The following ADCY2 variants were observed in gnomAD, a reference collection of about 807,000 sequenced individuals.
ADCY2 encodes adenylate cyclase 2.
In ADCY2, 31 loss-of-function variants were observed where a neutral mutation model predicts 125.2. That is an observed-to-expected ratio of 0.25 (90% CI 0.19 to 0.33). ADCY2 has a LOEUF of 0.33. ADCY2 is among the 10% of genes least tolerant of loss of function. The pLI is 1.00. For missense variants in ADCY2, 904 were observed against 1,418.2 expected, an observed-to-expected ratio of 0.64 and a Z score of 5.82; for synonymous variants, 512 against 548.4, an observed-to-expected ratio of 0.93 and a Z score of 0.93.
chr5:7,701,671 T>G (rs1320789916), intron 7 of ADCY2, among the ~76,000 whole-genome samples: 1 of 152,154 alleles, frequency 6.6e-6, no homozygotes, highest in African/African-American at 2.4e-5. Context: ...CCCCAGCTCC[T>G]GGCCATCTCT....
In ADCY2 at chr5:7,450,122, G is replaced by A. The variant is rs150074407; in HGVS notation, c.408+35352G>A. Among the ~76,000 whole-genome samples the A allele has an allele frequency of 2.8e-3, 421 of 152,292 alleles. 1 individual carries two copies. The highest frequency in any genetic ancestry group is 9.7e-3 in the African/African-American group (404 of 41,552). On this transcript the variant is annotated intron_variant, in intron 2 of 24. Transcript: ENST00000338316. Reference sequence around the variant, plus strand: ...CTCTAAGTGTTCAATGCAAGGAAGAGTTGCATGTCTCTCACTTTAAATCAA... The same window carrying A: ...CTCTAAGTGTTCAATGCAAGGAAGAATTGCATGTCTCTCACTTTAAATCAA...
In ADCY2 at chr5:7,662,416, C is replaced by A. The variant is rs929737026; in HGVS notation, c.721-28275C>A. ...CTAGTGCAGATAACAGCTGCTGCCCCCTCCACGGCATAGTGGCCACCAGCA... is the reference window on the plus strand; with the variant it reads ...CTAGTGCAGATAACAGCTGCTGCCCACTCCACGGCATAGTGGCCACCAGCA... On this transcript the variant is annotated intron_variant, in intron 4 of 24. Transcript: ENST00000338316. 3.9e-5 allele frequency among the ~76,000 whole-genome samples: 6 copies of A among 152,194 alleles called. No homozygotes were observed. In the East Asian group the frequency reaches 9.7e-4, roughly 25 times the overall value.
intron 16 of ADCY2, among the ~76,000 whole-genome samples, chr5:7,763,308 G>A (rs1036305865): frequency 2.0e-5 from 3 of 151,662 alleles, no homozygotes; most frequent in Non-Finnish European, 4.4e-5. Context: ...AGCCAAGATG[G>A]TCTCGATCTC....
Position 7,649,645 on chromosome 5 carries a change from C to T in ADCY2, c.720+23329C>T, listed in dbSNP as rs1579276258. ...CTCCAGTCTGTTCTCTGCCATTTAC[C>T]CTTAGGGATCTCACCCATTCTTACT... is the stretch of plus-strand genomic sequence containing the variant. On this transcript the variant is annotated intron_variant, in intron 4 of 24. Coordinates refer to ENST00000338316, the MANE Select transcript of ADCY2 (RefSeq NM_020546.3). Among the ~76,000 whole-genome samples, 3 of 152,306 alleles carry T rather than the reference C, an allele frequency of 2.0e-5. No individual in the cohort carries two copies. The South Asian group carries it at 6.2e-4, about 32-fold the overall frequency.
chr5:7,706,630 G>A (rs2126351704), intron 7 of ADCY2, 114 bp from the exon 8 acceptor site: 1 of 1,268,784 alleles, frequency 7.9e-7, no homozygotes, highest in Non-Finnish European at 1.1e-6. Flanking sequence ...AAGGTTTATG[G>A]TCATTTCCGA....
intron 2 of ADCY2, among the ~76,000 whole-genome samples, chr5:7,504,617 C>CTTT (rs563915228): frequency 2.2e-5 from 3 of 138,038 alleles, no homozygotes; most frequent in Admixed American, 7.3e-5. Flanking sequence ...TTTTTTCTTT[C>CTTT]TTTTTTTTTT....
At chr5:7,403,465 T>C (rs990439673) in intron 1 of ADCY2, among the ~76,000 whole-genome samples, 2 of 152,232 alleles carry the variant, frequency 1.3e-5, no homozygotes, top group Non-Finnish European at 2.9e-5. Flanking sequence ...GTGCATAAAA[T>C]AGAATTACTC....
At chr5:7,558,591 C>G (rs927644612) in intron 3 of ADCY2, among the ~76,000 whole-genome samples, 5 of 152,008 alleles carry the variant, frequency 3.3e-5, no homozygotes, top group Non-Finnish European at 7.4e-5. Context: ...TATTAGACCT[C>G]TGTTGGATGC....
At chr5:7,490,474 A>G (rs1005327874) in intron 2 of ADCY2, among the ~76,000 whole-genome samples, 8 of 152,166 alleles carry the variant, frequency 5.3e-5, no homozygotes, top group African/African-American at 1.7e-4. Flanking sequence ...TTAGCACTAG[A>G]CATTAGGAGC....
At chr5:7,592,778 A>C (rs897038326) in intron 3 of ADCY2, among the ~76,000 whole-genome samples, 7 of 152,200 alleles carry the variant, frequency 4.6e-5, no homozygotes, top group African/African-American at 1.7e-4. Flanking sequence ...ATTTGAACAA[A>C]AACTGGGCTT....
chr5:7,695,994 G>C lies in ADCY2; in HGVS notation c.981+131G>C, dbSNP rs1377048424. ...GGAACATTGTTTGTAGAAGTTGTTGGATTTCTTTGCTATTGATCTTTCATA... is the reference window on the plus strand; with the variant it reads ...GGAACATTGTTTGTAGAAGTTGTTGCATTTCTTTGCTATTGATCTTTCATA... On this transcript the variant is annotated intron_variant, in intron 6 of 24. Transcript: ENST00000338316. The C allele has an allele frequency of 8.5e-6, 5 of 587,136 alleles. No individual in the cohort carries two copies. The East Asian group carries it at 1.4e-4, about 16-fold the overall frequency. 36.4% of individuals were successfully genotyped at this position (587,136 alleles called of 1,614,324 possible). A position where few individuals can be genotyped will look rare whatever the true frequency, so the allele number is the denominator to read the frequency against.
At chr5:7,819,250 A>T (rs1745220196) in intron 23 of ADCY2, among the ~76,000 whole-genome samples, 3 of 152,190 alleles carry the variant, frequency 2.0e-5, no homozygotes, top group Admixed American at 2.0e-4. Context: ...ACCCTCACAG[A>T]CACACCTAGG....
chr5:7,417,441 T>G (rs16878632), intron 2 of ADCY2, among the ~76,000 whole-genome samples: 16,877 of 152,222 alleles, frequency 0.11, 1,123 homozygotes, highest in African/African-American at 0.18. Context: ...TTTACCTTAT[T>G]CTGATGTAGT....
In ADCY2 at chr5:7,662,734, G is replaced by A. The variant is rs148364427; in HGVS notation, c.721-27957G>A. Among the ~76,000 whole-genome samples, 9 of 152,220 alleles carry A rather than the reference G, an allele frequency of 5.9e-5. No individual in the cohort carries two copies. In the East Asian group the frequency reaches 7.7e-4, roughly 13 times the overall value. On this transcript the variant is annotated intron_variant, in intron 4 of 24. Coordinates refer to ENST00000338316, the MANE Select transcript of ADCY2 (RefSeq NM_020546.3). Reference sequence around the variant, plus strand: ...CACTTACCTGGATGCTGTTGCACACGGACCACCCTATCCTGGTTGTCAGCC... The same window carrying A: ...CACTTACCTGGATGCTGTTGCACACAGACCACCCTATCCTGGTTGTCAGCC...
In ADCY2 at chr5:7,724,571, A is replaced by G; in HGVS notation, c.1730A>G (p.Gln577Arg). The change falls in exon 13 of 25, where the codon CAG (glutamine) becomes CGG (arginine). Residue 577 changes from glutamine (Q) to arginine (R), a missense_variant. Around this residue, in one of 7 missense-constraint regions of ADCY2, gnomAD observed 144 missense variants for 227.7 expected, o/e 0.63. Transcript: ENST00000338316. ...QKQWLKSEDI[Q>R]RISLLFYNKV... Reference sequence around the variant, plus strand: ...CAATGGCTCAAGTCTGAAGACATTCAGAGAATCTCACTGCTTTTCTATAAC... The same window carrying G: ...CAATGGCTCAAGTCTGAAGACATTCGGAGAATCTCACTGCTTTTCTATAAC... 1.2e-6 allele frequency: 2 copies of G among 1,603,266 alleles called. No homozygotes were observed. Among genetic ancestry groups the G allele is most frequent in the South Asian group, 1.1e-5 (1 of 87,704 alleles).
chr5:7,486,165 C>G (rs891100511), intron 2 of ADCY2, among the ~76,000 whole-genome samples: 5 of 152,078 alleles, frequency 3.3e-5, no homozygotes, highest in African/African-American at 1.2e-4. Flanking sequence ...GTGCACTGCC[C>G]GACTGTCGCT....
At position 7,772,923 on chromosome 5, in the gene ADCY2, C is replaced by T; in HGVS notation, c.2215-9C>T. 2.5e-6 allele frequency: 4 copies of T among 1,613,468 alleles called. No individual in the cohort carries two copies. Among genetic ancestry groups the T allele is most frequent in the Non-Finnish European group, 3.4e-6 (4 of 1,179,566 alleles). On this transcript the variant is annotated splice_polypyrimidine_tract_variant and intron_variant, in intron 17 of 24. Coordinates refer to ENST00000338316, the MANE Select transcript of ADCY2 (RefSeq NM_020546.3). ...CTAAGTATCTGTCTGGTGTCCTTCC[C>T]TGTTTCAGTACTTTATCTACAGCTG...
intron 24 of ADCY2, among the ~76,000 whole-genome samples, chr5:7,825,031 T>C (rs1278370489): frequency 1.3e-5 from 2 of 152,034 alleles, no homozygotes; most frequent in Non-Finnish European, 2.9e-5. Context: ...GCCATAACAC[T>C]GCTGTGTGCC....
At chr5:7,589,434 TAGAA>T (rs1196232983) in intron 3 of ADCY2, among the ~76,000 whole-genome samples, 59 of 49,252 alleles carry the variant, frequency 1.2e-3, no homozygotes, top group Middle Eastern at 0.015. Flanking sequence ...GAGGGAGGGA[TAGAA>T]AGAAAGAAAG....
Sources: allele counts gnomAD v4.1 joint callset (sites outside exome capture counted in the v4.1 genomes callset), GRCh38; gene constraint gnomAD v4.1.1; regional missense constraint gnomAD v4.1.1; transcripts MANE v1.5; gene names NCBI Gene and HGNC (gene_info 2026-07-23, HGNC 2026-07-21).